Variants in TSHR observed in about 807,000 individuals in gnomAD.
TSHR encodes the protein thyroid stimulating hormone receptor, also known as thyrotropin receptor.
A neutral mutation model predicts 64.1 loss-of-function variants in TSHR; 51 were observed. The observed-to-expected ratio is 0.80, with a 90% confidence interval of 0.64 to 1.01. The LOEUF (loss-of-function observed/expected upper bound fraction) is 1.01, where lower values mean the gene tolerates loss of function less well. Among genes scored for constraint, TSHR ranks in the 50% least tolerant of loss-of-function variants. TSHR has a pLI of 0.00. For synonymous variants in TSHR, 361 were observed against 361.9 expected (o/e 1.00, Z 0.03); for missense variants, 877 against 942.8 (o/e 0.93, Z 0.91).
rs1891836434 is a variant in TSHR, at chr14:81,144,164, G to A, written c.2106G>A (p.Gln702=). 1 of 1,613,952 alleles carries A rather than the reference G, an allele frequency of 6.2e-7. No individual in the cohort carries two copies. Among genetic ancestry groups the A allele is most frequent in the African/African-American group, 1.3e-5 (1 of 74,874 alleles). The change falls in exon 10 of 10, where the codon CAG becomes CAA. Residue 702 remains glutamine, a synonymous_variant. Coordinates refer to ENST00000298171, the MANE Select transcript of TSHR (RefSeq NM_000369.5). ...GCAAGTTTGGCATCTGTAAACGCCA[G>A]GCTCAGGCATACCGGGGGCAGAGGG... ...LLSKFGICKR[Q]AQAYRGQRVP... is the part of the protein sequence containing the mutation.
intron 1 of TSHR, among the ~76,000 whole-genome samples, chr14:81,008,261 T>C (rs896334582): frequency 2.6e-5 from 4 of 151,830 alleles, no homozygotes; most frequent in Middle Eastern, 3.4e-3. Flanking sequence ...CAAGCTCCGC[T>C]TCCCGGGTTC....
chr14:81,054,733 A>T (rs1274349487), intron 1 of TSHR, among the ~76,000 whole-genome samples: 1 of 152,090 alleles, frequency 6.6e-6, no homozygotes, highest in Non-Finnish European at 1.5e-5. Context: ...ATTAGGGTAT[A>T]TATATCTCTA....
At chr14:80,995,011 A>G (rs991178275) in intron 1 of TSHR, 7 of 152,232 alleles carry the variant, frequency 4.6e-5, no homozygotes, top group African/African-American at 1.2e-4. Flanking sequence ...AAGATCTAAT[A>G]TCCAGCATAT....
At chr14:81,051,185 T>C (rs1885413895) in intron 1 of TSHR, 1 of 152,338 alleles carries the variant, frequency 6.6e-6, no homozygotes, top group African/African-American at 2.4e-5. Context: ...CCACTTTCTT[T>C]GCTCATTCAT....
At chr14:80,984,220 G>T (rs1405246398) in intron 1 of TSHR, among the ~76,000 whole-genome samples, 1 of 152,116 alleles carries the variant, frequency 6.6e-6, no homozygotes, top group Non-Finnish European at 1.5e-5. Flanking sequence ...CCACAACACA[G>T]AAAGATCCAG....
At chr14:81,114,091 G>C (rs1301323506) in intron 8 of TSHR, among the ~76,000 whole-genome samples, 6 of 149,162 alleles carry the variant, frequency 4.0e-5, no homozygotes, top group African/African-American at 1.5e-4. Context: ...TTCCAAGTAA[G>C]AGATGAGAGT....
intron 1 of TSHR, among the ~76,000 whole-genome samples, chr14:80,967,601 T>C (rs1035281036): frequency 6.6e-6 from 1 of 152,046 alleles, no homozygotes; most frequent in African/African-American, 2.4e-5. Flanking sequence ...TGACTTACAT[T>C]TTAGTAGGAT....
chr14:81,099,860 A>G (rs1342072075), intron 7 of TSHR, among the ~76,000 whole-genome samples: 1 of 152,204 alleles, frequency 6.6e-6, no homozygotes, highest in African/African-American at 2.4e-5. Context: ...AGACTTCAAG[A>G]GATTTTCAAA....
At position 81,142,932 on chromosome 14, in the gene TSHR, C is replaced by T; in HGVS notation, c.882-8C>T. On this transcript the variant is annotated splice_region_variant and splice_polypyrimidine_tract_variant and intron_variant, in intron 9 of 9. Transcript: ENST00000298171. ...GCCTGGCACTGACTCTTTTCTGTTGCCTTGCAGAATCCTTGAGTCCTTGAT... is the reference window on the plus strand; with the variant it reads ...GCCTGGCACTGACTCTTTTCTGTTGTCTTGCAGAATCCTTGAGTCCTTGAT... 1 of 1,613,782 alleles carries T rather than the reference C, an allele frequency of 6.2e-7. No homozygotes were observed. The highest frequency in any genetic ancestry group is 8.5e-7 in the Non-Finnish European group (1 of 1,179,850).
intron 8 of TSHR, among the ~76,000 whole-genome samples, chr14:81,120,159 C>T (rs1381581078): frequency 6.7e-6 from 1 of 150,044 alleles, no homozygotes; most frequent in Non-Finnish European, 1.5e-5. Context: ...TGCACATGTA[C>T]CCTAAAACTT....
chr14:80,971,466 T>C (rs1887584505), intron 1 of TSHR, among the ~76,000 whole-genome samples: 1 of 152,204 alleles, frequency 6.6e-6, no homozygotes, highest in South Asian at 2.1e-4. Context: ...ATTCACCAGA[T>C]TGATAATCAC....
chr14:81,047,130 G>C (rs769864859), intron 1 of TSHR, among the ~76,000 whole-genome samples: 2 of 152,066 alleles, frequency 1.3e-5, no homozygotes, highest in Non-Finnish European at 2.9e-5. Context: ...AAAGAAACAG[G>C]CATAGTGGGT....
intron 5 of TSHR, among the ~76,000 whole-genome samples, chr14:81,092,185 C>T (rs1318289462): frequency 6.6e-6 from 1 of 152,128 alleles, no homozygotes; most frequent in African/African-American, 2.4e-5. Context: ...AAGGTCCATG[C>T]ATGTAGAAAA....
chr14:81,093,112 G>A (rs542238847), intron 6 of TSHR, among the ~76,000 whole-genome samples: 2 of 152,222 alleles, frequency 1.3e-5, no homozygotes, highest in Admixed American at 6.5e-5. Context: ...AGATCACTGA[G>A]TTAAAAAAAA....
intron 6 of TSHR, chr14:81,094,299 T>TG (rs1238450465): frequency 6.6e-6 from 1 of 152,250 alleles, no homozygotes; most frequent in African/African-American, 2.4e-5. Context: ...AAGGCCGATT[T>TG]GTTCATTAAG....
intron 1 of TSHR, among the ~76,000 whole-genome samples, chr14:81,035,871 A>T (rs1474618730): frequency 7.4e-6 from 1 of 135,468 alleles, no homozygotes; most frequent in African/African-American, 2.9e-5. Flanking sequence ...AGTGTCAAAA[A>T]AAATAAAAAT....
chr14:81,108,494 C>A, intron 8 of TSHR, 42 bp downstream of exon 8: 1 of 1,345,714 alleles, frequency 7.4e-7, no homozygotes. Context: ...CTTTTTTTTT[C>A]TTTTTTTTTT....
chr14:81,132,207 G>C (rs193089889), intron 8 of TSHR, among the ~76,000 whole-genome samples: 1 of 152,274 alleles, frequency 6.6e-6, no homozygotes, highest in East Asian at 1.9e-4. Flanking sequence ...TAATGGAGCA[G>C]CTTCCACATA....
chr14:81,084,020 C>T (rs185779711), intron 3 of TSHR, among the ~76,000 whole-genome samples: 1 of 152,250 alleles, frequency 6.6e-6, no homozygotes, highest in East Asian at 1.9e-4. Context: ...GGTCCCTCCC[C>T]CAACACGTGG....
Sources: gnomAD v4.1 joint callset for allele counts (sites outside exome capture counted in the v4.1 genomes callset) on GRCh38, gnomAD v4.1.1 for gene constraint, MANE v1.5 for transcripts, NCBI Gene and HGNC (gene_info 2026-07-23, HGNC 2026-07-21) for gene names.